Variants in DSCAM observed in about 807,000 individuals in gnomAD.
The protein encoded by DSCAM is cell adhesion molecule DSCAM.
A neutral mutation model predicts 217.7 loss-of-function variants in DSCAM; 47 were observed. That is an observed-to-expected ratio of 0.22 (90% CI 0.17 to 0.28). The LOEUF (loss-of-function observed/expected upper bound fraction) is 0.28, where lower values mean the gene tolerates loss of function less well. DSCAM is among the 10% of genes least tolerant of loss of function. DSCAM has a pLI of 1.00. For synonymous variants in DSCAM, 1,056 were observed against 1,015.3 expected (o/e 1.04, Z -0.76); for missense variants, 2,080 against 2,618.3 (o/e 0.79, Z 4.49).
chr21:40,068,912 C>G (rs377557238), intron 27 of DSCAM, among the ~76,000 whole-genome samples: 1 of 151,798 alleles, frequency 6.6e-6, no homozygotes, highest in Non-Finnish European at 1.5e-5. Flanking sequence ...TTGGAGAAAC[C>G]CCGTCTCTAC....
At chr21:40,335,770 C>T (rs1372067951) in intron 8 of DSCAM, among the ~76,000 whole-genome samples, 1 of 152,116 alleles carries the variant, frequency 6.6e-6, no homozygotes, top group Non-Finnish European at 1.5e-5. Context: ...GTAGGGATCC[C>T]TGAGACAATT....
In DSCAM at chr21:40,141,436, G is replaced by A. The variant is rs62237638; in HGVS notation, c.3406+1122C>T. ...TCAAGACCAGCCTGGCCAAGCTGGC[G>A]AAACCCCATCTCTACTAAAAATACT... is the stretch of plus-strand genomic sequence containing the variant. On this transcript the variant is annotated intron_variant, in intron 18 of 32. Transcript: ENST00000400454. Among the ~76,000 whole-genome samples the A allele has an allele frequency of 4.8e-4, 73 of 152,190 alleles. 1 individual carries two copies. Among genetic ancestry groups the A allele is most frequent in the African/African-American group, 1.2e-3 (48 of 41,552 alleles).
Position 40,842,244 on chromosome 21 carries a change from C to T in DSCAM, c.43+4375G>A, listed in dbSNP as rs571079761. On this transcript the variant is annotated intron_variant, in intron 1 of 32. Transcript: ENST00000400454. ...CCAGCGTGCACTTCAGCGCAGCAGC[C>T]AAGAAAATGCCCACACGCGCTTGTT... Among the ~76,000 whole-genome samples the T allele has an allele frequency of 2.0e-5, 3 of 152,318 alleles. No homozygotes were observed. The East Asian group carries it at 5.8e-4, about 29-fold the overall frequency.
chr21:40,335,466 T>C (rs566401147), intron 8 of DSCAM, among the ~76,000 whole-genome samples: 98 of 152,268 alleles, frequency 6.4e-4, no homozygotes, highest in African/African-American at 2.4e-3. Flanking sequence ...TCAAAAGGAT[T>C]AAGATGAATA....
intron 4 of DSCAM, among the ~76,000 whole-genome samples, chr21:40,362,352 C>T (rs2074776991): frequency 6.6e-6 from 1 of 152,146 alleles, no homozygotes; most frequent in Admixed American, 6.5e-5. Flanking sequence ...CATCATTTAA[C>T]TTGTTCCGTT....
rs749710167 is a variant in DSCAM, at chr21:40,408,741, T to C, written c.509-39496A>G. Among the ~76,000 whole-genome samples the C allele has an allele frequency of 6.4e-4, 98 of 152,316 alleles. 1 individual carries two copies. The highest frequency in any genetic ancestry group is 1.0e-3 in the Non-Finnish European group (68 of 68,022). On this transcript the variant is annotated intron_variant, in intron 3 of 32. Transcript: ENST00000400454. Reference sequence around the variant, plus strand: ...CAGGAGGGATGATGCAGTACCCCTGTCTGACACACAGCTGGAGTGACGTGT... The same window carrying C: ...CAGGAGGGATGATGCAGTACCCCTGCCTGACACACAGCTGGAGTGACGTGT...
Position 40,375,573 on chromosome 21 carries a change from T to G in DSCAM, c.509-6328A>C, listed in dbSNP as rs78649668. ...GTCACATGATCATGGTCATTCATGA[T>G]GAGAGACTTGGTTTTATTATACCTG... On this transcript the variant is annotated intron_variant, in intron 3 of 32. Coordinates refer to ENST00000400454, the MANE Select transcript of DSCAM (RefSeq NM_001389.5). Among the ~76,000 whole-genome samples, 564 of 152,344 alleles carry G rather than the reference T, an allele frequency of 3.7e-3. 1 individual carries two copies. The highest frequency in any genetic ancestry group is 0.012 in the African/African-American group (512 of 41,586).
chr21:40,606,449 A>G (rs2089239680), intron 3 of DSCAM, among the ~76,000 whole-genome samples: 1 of 152,352 alleles, frequency 6.6e-6, no homozygotes, highest in South Asian at 2.1e-4. Flanking sequence ...ATTCAAAATA[A>G]ATTTTTAAAC....
At chr21:40,097,802 G>A (rs112931946) in intron 20 of DSCAM, among the ~76,000 whole-genome samples, 228 of 151,764 alleles carry the variant, frequency 1.5e-3, no homozygotes, top group East Asian at 0.012. Flanking sequence ...TTAGCCGGGC[G>A]TAGTGGTGGG....
intron 3 of DSCAM, among the ~76,000 whole-genome samples, chr21:40,416,137 C>T (rs961616932): frequency 6.6e-6 from 1 of 152,084 alleles, no homozygotes; most frequent in Non-Finnish European, 1.5e-5. Context: ...TCCCCTTTTT[C>T]TGGATTGGAC....
chr21:40,625,950 T>C (rs2089595400), intron 3 of DSCAM, among the ~76,000 whole-genome samples: 2 of 152,190 alleles, frequency 1.3e-5, no homozygotes, highest in African/African-American at 2.4e-5. Flanking sequence ...TAAGTACATG[T>C]TTATTAATAG....
chr21:40,035,574 T>C (rs2088604079), intron 32 of DSCAM, among the ~76,000 whole-genome samples: 1 of 137,058 alleles, frequency 7.3e-6, no homozygotes, highest in Non-Finnish European at 1.5e-5. Context: ...TGGGAGACTT[T>C]AACACCCCAC....
chr21:40,293,934 T>A (rs74959745), intron 10 of DSCAM, among the ~76,000 whole-genome samples: 5,749 of 152,276 alleles, frequency 0.038, 374 homozygotes, highest in African/African-American at 0.13. Flanking sequence ...ATCAAACTTT[T>A]AAAAATGTAT....
chr21:40,497,614 T>C (rs144940983), intron 3 of DSCAM, among the ~76,000 whole-genome samples: 17 of 152,312 alleles, frequency 1.1e-4, no homozygotes, highest in East Asian at 1.9e-4. Context: ...TAGAGTAAAT[T>C]TGAAGTGTTC....
intron 15 of DSCAM, among the ~76,000 whole-genome samples, chr21:40,174,848 C>T (rs1010348944): frequency 6.6e-6 from 1 of 152,248 alleles, no homozygotes; most frequent in African/African-American, 2.4e-5. Context: ...CTGTCGTGGG[C>T]TGCAGCTTAT....
In DSCAM at chr21:40,093,845, G is replaced by A. The variant is rs1490047269; in HGVS notation, c.3726C>T (p.Asp1242=). 1 of 1,613,884 alleles carries A rather than the reference G, an allele frequency of 6.2e-7. No individual in the cohort carries two copies. The highest frequency in any genetic ancestry group is 2.2e-5 in the East Asian group (1 of 44,870). Residue 1242 remains aspartate, a synonymous_variant, in exon 21 of 33, where the codon GAC becomes GAT. Coordinates refer to ENST00000400454, the MANE Select transcript of DSCAM (RefSeq NM_001389.5). ...TVISEFEASP[D]SFSYRIPNLS... ...GGTTGGGAATTCTGTAGGAAAACGA[G>A]TCGGGAGAGGCCTCAAACTCGCTGA...
At chr21:40,365,391 C>G (rs1343577146) in intron 4 of DSCAM, among the ~76,000 whole-genome samples, 1 of 152,170 alleles carries the variant, frequency 6.6e-6, no homozygotes, top group Non-Finnish European at 1.5e-5. Flanking sequence ...CTTTTAGACG[C>G]TTGGACCTTC....
At chr21:40,168,773 A>G (rs1380505448) in intron 15 of DSCAM, among the ~76,000 whole-genome samples, 2 of 152,154 alleles carry the variant, frequency 1.3e-5, no homozygotes, top group African/African-American at 4.8e-5. Context: ...GGAAGTTCTG[A>G]GTAGTAGCAT....
chr21:40,211,718 CA>C (rs11335494), intron 11 of DSCAM, among the ~76,000 whole-genome samples: 14,578 of 152,114 alleles, frequency 0.096, 1,031 homozygotes, highest in African/African-American at 0.19. Flanking sequence ...AGATTCTCAC[CA>C]AAATACCTAT....
Sources: gnomAD v4.1 joint callset for allele counts (sites outside exome capture counted in the v4.1 genomes callset) on GRCh38, gnomAD v4.1.1 for gene constraint, MANE v1.5 for transcripts, NCBI Gene and HGNC (gene_info 2026-07-23, HGNC 2026-07-21) for gene names.